Variants in TP63 observed in about 807,000 individuals in gnomAD.
TP63 encodes the protein tumor protein p63.
Under a neutral mutation model 82.8 loss-of-function variants are expected in TP63, and 17 were observed. That is an observed-to-expected ratio of 0.21 (90% CI 0.14 to 0.31). The LOEUF is 0.31. Ranked by LOEUF, TP63 falls within the 10% of genes least tolerant of loss-of-function variation. The probability of loss-of-function intolerance (pLI) is 1.00; values close to 1 mark genes in which losing one functional copy is unlikely to be tolerated. For missense variants in TP63, 648 were observed against 895.3 expected (o/e 0.72, Z 3.52); for synonymous variants, 330 against 321.7 (o/e 1.03, Z -0.28).
At chr3:189,631,128 T>A, upstream of TP63, 1 of 659,088 alleles carries the variant, frequency 1.5e-6, no homozygotes, top group Non-Finnish European at 1.9e-6. Context: ...CTGATGCCAT[T>A]CATGCCAGCA....
chr3:189,805,036 T>C (rs1324635930), intron 3 of TP63, among the ~76,000 whole-genome samples: 1 of 152,210 alleles, frequency 6.6e-6, no homozygotes, highest in Admixed American at 6.5e-5. Flanking sequence ...GGATATAATT[T>C]AAAACTATGA....
chr3:189,769,349 T>C (rs1723171996), intron 3 of TP63, among the ~76,000 whole-genome samples: 1 of 152,178 alleles, frequency 6.6e-6, no homozygotes. Context: ...TCTCATTAAA[T>C]GTTATTCTAG....
intron 3 of TP63, among the ~76,000 whole-genome samples, chr3:189,800,620 G>A (rs912496059): frequency 6.6e-5 from 10 of 152,066 alleles, no homozygotes; most frequent in East Asian, 1.9e-4. Flanking sequence ...AGCGGGTTCC[G>A]GAGCCAGATT....
Position 189,832,683 on chromosome 3 carries a change from T to C in TP63, c.579+24157T>C, listed in dbSNP as rs550515821. ...TAGATGATAGAGATAAAACTGGTAGTTAATATATGTTGAGTACCAGGTCAA... is the reference window on the plus strand; with the variant it reads ...TAGATGATAGAGATAAAACTGGTAGCTAATATATGTTGAGTACCAGGTCAA... On this transcript the variant is annotated intron_variant, in intron 4 of 13. Coordinates refer to ENST00000264731, the MANE Select transcript of TP63 (RefSeq NM_003722.5). Among the ~76,000 whole-genome samples, 14 of 152,290 alleles carry C rather than the reference T, an allele frequency of 9.2e-5. No homozygotes were observed. The South Asian group carries it at 2.7e-3, about 29-fold the overall frequency.
intron 10 of TP63, among the ~76,000 whole-genome samples, chr3:189,879,387 C>G (rs1719654866): frequency 6.6e-6 from 1 of 152,096 alleles, no homozygotes; most frequent in African/African-American, 2.4e-5. Flanking sequence ...AAATTGCTTT[C>G]TTGGGTTTGA....
intron 4 of TP63, among the ~76,000 whole-genome samples, chr3:189,839,452 C>T (rs1304651780): frequency 6.6e-6 from 1 of 152,122 alleles, no homozygotes; most frequent in African/African-American, 2.4e-5. Flanking sequence ...TAGAATGGAG[C>T]ATCCATTTAT....
rs750339609 is a variant in TP63, at chr3:189,808,264, C to G, written c.325-8C>G. The G allele has an allele frequency of 1.9e-6, 3 of 1,614,154 alleles. No homozygotes were observed. In the East Asian group the frequency reaches 6.7e-5, roughly 36 times the overall value. ...GGCTAATATTGGGGTTTCTGGGTGT[C>G]CTTGCAGCCACAGTACACGAACCTG... On this transcript the variant is annotated splice_region_variant and splice_polypyrimidine_tract_variant and intron_variant, in intron 3 of 13. Transcript: ENST00000264731.
At chr3:189,647,489 G>A (rs1712517302) in intron 1 of TP63, among the ~76,000 whole-genome samples, 1 of 146,854 alleles carries the variant, frequency 6.8e-6, no homozygotes, top group South Asian at 2.3e-4. Context: ...CTCCTCTGGT[G>A]CCTTCTTCAG....
intron 4 of TP63, 105 bp downstream of exon 4, chr3:189,808,631 A>G (rs1727197961): frequency 6.9e-6 from 11 of 1,589,518 alleles, no homozygotes; most frequent in Non-Finnish European, 9.4e-6. Context: ...TTCCATGTTC[A>G]TGGTGGAAAA....
chr3:189,863,764 C>T (rs1185915958), intron 4 of TP63, among the ~76,000 whole-genome samples: 1 of 152,158 alleles, frequency 6.6e-6, no homozygotes, highest in Non-Finnish European at 1.5e-5. Context: ...ATCCCATGAA[C>T]CCTAATTCCT....
At chr3:189,733,610 T>C (rs1720330584) in intron 1 of TP63, among the ~76,000 whole-genome samples, 1 of 152,214 alleles carries the variant, frequency 6.6e-6, no homozygotes, top group Non-Finnish European at 1.5e-5. Flanking sequence ...TTTGGAATAA[T>C]TCATGCCTTT....
chr3:189,716,645 C>T (rs1458337627), intron 1 of TP63, among the ~76,000 whole-genome samples: 1 of 152,128 alleles, frequency 6.6e-6, no homozygotes, highest in Non-Finnish European at 1.5e-5. Context: ...TTTTATAGCC[C>T]AACATTTTTA....
rs1230039316 is a variant in TP63, at chr3:189,652,147, A to T, written c.62+20570A>T. 2.7e-5 allele frequency among the ~76,000 whole-genome samples: 4 copies of T among 146,010 alleles called. 1 individual carries two copies. The highest frequency in any genetic ancestry group is 1.0e-4 in the African/African-American group (4 of 38,764). ...GTGAGAGGAGGACCCAAAATGGTAG[A>T]TCTACTTACAGCTTGCATAGTGCAC... On this transcript the variant is annotated intron_variant, in intron 1 of 13. Coordinates refer to ENST00000264731, the MANE Select transcript of TP63 (RefSeq NM_003722.5).
chr3:189,875,616 A>ATATATACG (rs1719042422), intron 10 of TP63, among the ~76,000 whole-genome samples: 1 of 108,726 alleles, frequency 9.2e-6, no homozygotes, highest in African/African-American at 4.5e-5. Context: ...ATATATATAT[A>ATATATACG]TATATATATA....
intron 1 of TP63, among the ~76,000 whole-genome samples, chr3:189,646,284 G>A (rs1477819988): frequency 2.7e-5 from 4 of 146,812 alleles, no homozygotes; most frequent in Non-Finnish European, 5.9e-5. Context: ...CAAGGGGAGG[G>A]GTTGTCTTGT....
chr3:189,798,955 T>G (rs1330567689), intron 3 of TP63, among the ~76,000 whole-genome samples: 4 of 152,052 alleles, frequency 2.6e-5, no homozygotes, highest in African/African-American at 9.7e-5. Flanking sequence ...CACTAAAAAC[T>G]TTAATTATCT....
At chr3:189,643,297 G>A (rs1199501814) in intron 1 of TP63, among the ~76,000 whole-genome samples, 7 of 152,130 alleles carry the variant, frequency 4.6e-5, no homozygotes, top group Admixed American at 3.3e-4. Context: ...CACTGCACCC[G>A]GCCCCAGACA....
intron 3 of TP63, among the ~76,000 whole-genome samples, chr3:189,764,651 A>G (rs73889821): frequency 0.02 from 3,025 of 152,270 alleles, 97 homozygotes; most frequent in African/African-American, 0.069. Context: ...TTTAGGAAAG[A>G]CATACAATTC....
At chr3:189,746,062 G>A (rs1248745041) in intron 3 of TP63, among the ~76,000 whole-genome samples, 1 of 151,738 alleles carries the variant, frequency 6.6e-6, no homozygotes, top group African/African-American at 2.4e-5. Context: ...TATGAGTTTC[G>A]GAACTCTCCA....
Sources: allele counts gnomAD v4.1 joint callset (sites outside exome capture counted in the v4.1 genomes callset), GRCh38; gene constraint gnomAD v4.1.1; transcripts MANE v1.5; gene names NCBI Gene and HGNC (gene_info 2026-07-23, HGNC 2026-07-21).